The following PPARA variants were observed in gnomAD, a reference collection of about 807,000 sequenced individuals.
The protein encoded by PPARA is peroxisome proliferator activated receptor alpha.
Under a neutral mutation model 42.2 loss-of-function variants are expected in PPARA, and 22 were observed. The observed-to-expected ratio is 0.52, with a 90% CI of 0.37 to 0.74. The LOEUF (loss-of-function observed/expected upper bound fraction) is 0.74. Among genes scored for constraint, PPARA ranks in the 30% least tolerant of loss-of-function variants. The probability of loss-of-function intolerance (pLI) is 0.00; values close to 1 mark genes in which losing one functional copy is unlikely to be tolerated. For synonymous variants in PPARA, 242 were observed against 239.3 expected (o/e 1.01, Z -0.10); for missense variants, 465 against 608.2 (o/e 0.76, Z 2.48).
At position 46,230,371 on chromosome 22, in the gene PPARA, C is replaced by CAAAA. The variant is rs148446078; in HGVS notation, c.712-1414_712-1411dup. 3.4e-5 allele frequency among the ~76,000 whole-genome samples: 5 copies of CAAAA among 149,102 alleles called. No homozygotes were observed. The highest frequency in any genetic ancestry group is 9.8e-5 in the African/African-American group (4 of 40,830). ...GGGCAACAAGAGCAAAACTCTGTCTCAAAAAAAAAAGAAATAACACCTTAG... is the reference window on the plus strand; with the variant it reads ...GGGCAACAAGAGCAAAACTCTGTCTCAAAAAAAAAAAAAAGAAATAACACCTTAG... On this transcript the variant is annotated intron_variant, in intron 7 of 8. Transcript: ENST00000407236. This position sits in a 1 kb window ranked among gnomAD's most constrained non-coding sequence, Gnocchi z 5.0.
rs1444675787 is a variant in PPARA, at chr22:46,163,273, T to G, written c.-127+11303T>G. ...TATCCAAGAAACTCAAGAGCTCATT[T>G]TAGTTCTCCTGATTATGATCTTAAA... On this transcript the variant is annotated intron_variant, in intron 2 of 8. Transcript: ENST00000407236. This position sits in a 1 kb window ranked among gnomAD's most constrained non-coding sequence, Gnocchi z 4.9. 1 of 152,196 alleles carries G rather than the reference T, an allele frequency of 6.6e-6. No homozygotes were observed. The highest frequency in any genetic ancestry group is 2.4e-5 in the African/African-American group (1 of 41,448). 9.4% of individuals were successfully genotyped at this position (152,196 alleles called of 1,614,324 possible). A position where few individuals can be genotyped will look rare whatever the true frequency, so the allele number is the denominator to read the frequency against.
In PPARA at chr22:46,195,055, A is replaced by C. The variant is rs1344460724; in HGVS notation, c.-42-3287A>C. 6.9e-6 allele frequency among the ~76,000 whole-genome samples: 1 copy of C among 145,500 alleles called. No individual in the cohort carries two copies. The highest frequency in any genetic ancestry group is 2.0e-4 in the East Asian group (1 of 4,892). On this transcript the variant is annotated intron_variant, in intron 3 of 8. Transcript: ENST00000407236. The surrounding 1 kb of genome is among the most constrained non-coding windows in gnomAD (Gnocchi z 4.6). Reference sequence around the variant, plus strand: ...GTAGCTGGGATTACAGGCGCCTACCACCACGCCCGGCTAATTTTTGTATTT... The same window carrying C: ...GTAGCTGGGATTACAGGCGCCTACCCCCACGCCCGGCTAATTTTTGTATTT...
intron 2 of PPARA, among the ~76,000 whole-genome samples, chr22:46,175,444 T>C (rs1928882106): frequency 6.6e-6 from 1 of 152,176 alleles, no homozygotes; most frequent in African/African-American, 2.4e-5. Context: ...CCGGGCGCGG[T>C]GGCTCACGCC....
rs1336512710 is a variant in PPARA, at chr22:46,221,387, C to G, written c.711+1373C>G. On this transcript the variant is annotated intron_variant, in intron 7 of 8. Transcript: ENST00000407236. This position sits in a 1 kb window ranked among gnomAD's most constrained non-coding sequence, Gnocchi z 5.9. ...GCTAGAAAAGGAAACCACTTACTTC[C>G]CACTCAAAATGTGCTCTTGGTCCTT... Among the ~76,000 whole-genome samples, 2 of 152,200 alleles carry G rather than the reference C, an allele frequency of 1.3e-5. No individual in the cohort carries two copies. The highest frequency in any genetic ancestry group is 4.8e-5 in the African/African-American group (2 of 41,448).
Position 46,230,306 on chromosome 22 carries a change from G to C in PPARA, c.712-1486G>C, listed in dbSNP as rs1297039915. The stretch of plus-strand genomic sequence containing the variant: ...GAATCGCTTGAACCTGGGAGGCCGA[G>C]GTTGCAGTGAGCCGAGATTGTGCCA... On this transcript the variant is annotated intron_variant, in intron 7 of 8. Transcript: ENST00000407236. The surrounding 1 kb of genome is among the most constrained non-coding windows in gnomAD (Gnocchi z 5.0). Among the ~76,000 whole-genome samples, 1 of 152,148 alleles carries C rather than the reference G, an allele frequency of 6.6e-6. No homozygotes were observed.
Position 46,198,388 on chromosome 22 carries a change from T to A in PPARA, c.5T>A (p.Val2Glu), listed in dbSNP as rs764655817. ...AACCAGCACCATCTGGTCGCGATGG[T>A]GGACACGGAAAGCCCACTCTGCCCC... M[V>E]DTESPLCPLS... The change falls in exon 4 of 9, where the codon GTG becomes GAG. Residue 2 changes from valine to glutamate, a missense_variant. This residue lies in a region of PPARA where 152 missense variants were observed against 139.1 expected (regional missense o/e 1.09). Coordinates refer to ENST00000407236, the MANE Select transcript of PPARA (RefSeq NM_005036.6). The A allele has an allele frequency of 6.2e-7, 1 of 1,613,778 alleles. No homozygotes were observed.
At chr22:46,228,296 A>C (rs2147667626) in intron 7 of PPARA, among the ~76,000 whole-genome samples, 1 of 152,300 alleles carries the variant, frequency 6.6e-6, no homozygotes, top group African/African-American at 2.4e-5. Context: ...ACACTCTGGG[A>C]GGCTGAAGCG....
intron 3 of PPARA, among the ~76,000 whole-genome samples, chr22:46,197,205 A>ATG (rs1569216978): frequency 6.6e-6 from 1 of 151,890 alleles, no homozygotes; most frequent in African/African-American, 2.4e-5. Context: ...ACATGCCACC[A>ATG]CACCCAGCTA....
At position 46,160,446 on chromosome 22, in the gene PPARA, G is replaced by A. The variant is rs186747773; in HGVS notation, c.-127+8476G>A. 2.0e-3 allele frequency among the ~76,000 whole-genome samples: 296 copies of A among 151,626 alleles called. No homozygotes were observed. The highest frequency in any genetic ancestry group is 3.1e-3 in the Non-Finnish European group (208 of 67,916). ...TACATAGCTGGTACTACAGGCACGCGCCACCATGCCTGGCTAAATTGTTGT... is the reference window on the plus strand; with the variant it reads ...TACATAGCTGGTACTACAGGCACGCACCACCATGCCTGGCTAAATTGTTGT... On this transcript the variant is annotated intron_variant, in intron 2 of 8. Coordinates refer to ENST00000407236, the MANE Select transcript of PPARA (RefSeq NM_005036.6). This position sits in a 1 kb window ranked among gnomAD's most constrained non-coding sequence, Gnocchi z 4.5.
rs978303348 is a variant in PPARA, at chr22:46,222,495, C to T, written c.711+2481C>T. ...CTCTTCTTTACTGAGTCCTTTAATT[C>T]TTCAGTGAATTCTCCAATTAAATAG... On this transcript the variant is annotated intron_variant, in intron 7 of 8. Transcript: ENST00000407236. This position sits in a 1 kb window ranked among gnomAD's most constrained non-coding sequence, Gnocchi z 5.9. 1.3e-4 allele frequency among the ~76,000 whole-genome samples: 20 copies of T among 152,148 alleles called. No homozygotes were observed. The highest frequency in any genetic ancestry group is 4.6e-4 in the African/African-American group (19 of 41,438).
At position 46,235,055 on chromosome 22, in the gene PPARA, A is replaced by G. The variant is rs1031383045; in HGVS notation, c.1160-78A>G. 1.3e-6 allele frequency: 2 copies of G among 1,588,692 alleles called. No individual in the cohort carries two copies. The highest frequency in any genetic ancestry group is 1.7e-5 in the Admixed American group (1 of 59,944). On this transcript the variant is annotated intron_variant, in intron 8 of 8. Coordinates refer to ENST00000407236, the MANE Select transcript of PPARA (RefSeq NM_005036.6). The surrounding 1 kb of genome is among the most constrained non-coding windows in gnomAD (Gnocchi z 7.0). ...CTAAGAAAGGCCACATAAAATAGGCATGTTTGGTTCCTGAAACTGATAAGC... is the reference window on the plus strand; with the variant it reads ...CTAAGAAAGGCCACATAAAATAGGCGTGTTTGGTTCCTGAAACTGATAAGC...
chr22:46,157,874 T>A (rs1039210723), intron 2 of PPARA, among the ~76,000 whole-genome samples: 5 of 152,188 alleles, frequency 3.3e-5, no homozygotes, highest in African/African-American at 1.2e-4. Context: ...TTTAAGAGAT[T>A]TGCAGATAAA....
Position 46,196,368 on chromosome 22 carries a change from T to G in PPARA, c.-42-1974T>G, listed in dbSNP as rs2147365724. 6.6e-6 allele frequency among the ~76,000 whole-genome samples: 1 copy of G among 152,316 alleles called. No homozygotes were observed. Among genetic ancestry groups the G allele is most frequent in the South Asian group, 2.1e-4 (1 of 4,834 alleles). On this transcript the variant is annotated intron_variant, in intron 3 of 8. Coordinates refer to ENST00000407236, the MANE Select transcript of PPARA (RefSeq NM_005036.6). This position sits in a 1 kb window ranked among gnomAD's most constrained non-coding sequence, Gnocchi z 5.6. ...TCGAGGACCCCCTACATGAGCTGCCTTCATGGCTACAGGGAGAGCACACCA... is the reference window on the plus strand; with the variant it reads ...TCGAGGACCCCCTACATGAGCTGCCGTCATGGCTACAGGGAGAGCACACCA...
rs892299023 is a variant in PPARA, at chr22:46,236,936, G to A, written c.*1556G>A. ...TACCAACCTCAGTCCAGCTGGGAAG[G>A]CAGCGTTGATTATGGTAGTTTGTCA... On this transcript the variant is annotated 3_prime_UTR_variant, in exon 9 of 9. Transcript: ENST00000407236. The surrounding 1 kb of genome is among the most constrained non-coding windows in gnomAD (Gnocchi z 5.2). 2.6e-5 allele frequency: 4 copies of A among 152,142 alleles called. No individual in the cohort carries two copies. Among genetic ancestry groups the A allele is most frequent in the Non-Finnish European group, 5.9e-5 (4 of 68,034 alleles). 9.4% of individuals were successfully genotyped at this position (152,142 alleles called of 1,614,324 possible).
intron 4 of PPARA, among the ~76,000 whole-genome samples, chr22:46,210,571 T>A (rs143975485): frequency 1.3e-5 from 2 of 151,954 alleles, no homozygotes; most frequent in African/African-American, 4.8e-5. Flanking sequence ...GCCTCCCAGG[T>A]AGCTGGGATT....
Position 46,161,792 on chromosome 22 carries a change from C to T in PPARA, c.-127+9822C>T, listed in dbSNP as rs967539780. On this transcript the variant is annotated intron_variant, in intron 2 of 8. Transcript: ENST00000407236. The surrounding 1 kb of genome is among the most constrained non-coding windows in gnomAD (Gnocchi z 4.8). ...CTGTGTGTGTGCGACTTCCTCAGAG[C>T]CCTCAGTGGCGTTCCCTTTTCCGCG... Among the ~76,000 whole-genome samples the T allele has an allele frequency of 3.3e-5, 5 of 152,152 alleles. No homozygotes were observed. The highest frequency in any genetic ancestry group is 7.3e-5 in the Non-Finnish European group (5 of 68,036).
Position 46,232,306 on chromosome 22 carries a change from A to C in PPARA, c.1159+67A>C. ...GGCTCCTGTCTTGAAAAATTTGACA[A>C]TGGGAAATCCAGTACCAGCCTGAGC... On this transcript the variant is annotated intron_variant, in intron 8 of 8. Transcript: ENST00000407236. This position sits in a 1 kb window ranked among gnomAD's most constrained non-coding sequence, Gnocchi z 5.3. 1 of 1,536,310 alleles carries C rather than the reference A, an allele frequency of 6.5e-7. No individual in the cohort carries two copies. Among genetic ancestry groups the C allele is most frequent in the Non-Finnish European group, 9.0e-7 (1 of 1,111,078 alleles).
chr22:46,161,502 C>A lies in PPARA; in HGVS notation c.-127+9532C>A, dbSNP rs1270129723. Among the ~76,000 whole-genome samples the A allele has an allele frequency of 6.6e-6, 1 of 152,178 alleles. No individual in the cohort carries two copies. The highest frequency in any genetic ancestry group is 1.9e-4 in the East Asian group (1 of 5,190). On this transcript the variant is annotated intron_variant, in intron 2 of 8. Coordinates refer to ENST00000407236, the MANE Select transcript of PPARA (RefSeq NM_005036.6). The surrounding 1 kb of genome is among the most constrained non-coding windows in gnomAD (Gnocchi z 4.8). ...TCGGGAGGCTGAGGCAGGAGAATCA[C>A]TTGAACCCGGGAGGCGGAGGCTGCA...
intron 4 of PPARA, among the ~76,000 whole-genome samples, chr22:46,206,410 C>T (rs1328334595): frequency 6.6e-6 from 1 of 152,202 alleles, no homozygotes; most frequent in Non-Finnish European, 1.5e-5. Context: ...CCACCGCACC[C>T]AGCCTAATTG....
Sources: allele counts gnomAD v4.1 joint callset (sites outside exome capture counted in the v4.1 genomes callset), GRCh38; gene constraint gnomAD v4.1.1; regional missense constraint gnomAD v4.1.1; non-coding constraint Gnocchi (gnomAD v3.1); transcripts MANE v1.5; gene names NCBI Gene and HGNC (gene_info 2026-07-23, HGNC 2026-07-21).